Variants in LRRFIP1 observed in about 807,000 individuals in gnomAD.
The protein encoded by LRRFIP1 is leucine-rich repeat flightless-interacting protein 1.
Under a neutral mutation model 104.4 loss-of-function variants are expected in LRRFIP1, and 62 were observed. That is an observed-to-expected ratio of 0.59 (90% CI 0.48 to 0.73). The LOEUF (loss-of-function observed/expected upper bound fraction) is 0.73, where lower values mean the gene tolerates loss of function less well. LRRFIP1 is among the 30% of genes least tolerant of loss of function. The probability of loss-of-function intolerance (pLI) is 0.00; values close to 1 mark genes in which losing one functional copy is unlikely to be tolerated. For missense variants in LRRFIP1, 796 were observed against 824.5 expected, an observed-to-expected ratio of 0.97 and a Z score of 0.42; for synonymous variants, 300 against 299.0, an observed-to-expected ratio of 1.00 and a Z score of -0.03.
chr2:237,696,576 C>T (rs1218269871), intron 1 of LRRFIP1, among the ~76,000 whole-genome samples: 1 of 152,240 alleles, frequency 6.6e-6, no homozygotes, highest in African/African-American at 2.4e-5. Flanking sequence ...GCTGTAACCT[C>T]ATGGGGAGCA....
At chr2:237,662,203 GC>G (rs2088142457) in intron 1 of LRRFIP1, among the ~76,000 whole-genome samples, 1 of 152,054 alleles carries the variant, frequency 6.6e-6, no homozygotes, top group African/African-American at 2.4e-5. Context: ...TCTCCACGTG[GC>G]CCCCTCCCTG....
intron 1 of LRRFIP1, among the ~76,000 whole-genome samples, chr2:237,663,666 C>T (rs896073759): frequency 6.6e-6 from 1 of 152,218 alleles, no homozygotes; most frequent in Non-Finnish European, 1.5e-5. Context: ...GAATGACTTC[C>T]GGGCCTCTGA....
intron 1 of LRRFIP1, among the ~76,000 whole-genome samples, chr2:237,658,196 TA>T (rs1343270470): frequency 1.3e-5 from 2 of 152,154 alleles, no homozygotes; most frequent in East Asian, 3.8e-4. Context: ...TTCATATCAA[TA>T]GCTATAAAAT....
chr2:237,764,745 G>A, intron 19 of LRRFIP1: 1 of 986,288 alleles, frequency 1.0e-6, no homozygotes, highest in Non-Finnish European at 1.2e-6. Flanking sequence ...AAAGCATGAG[G>A]GGCTTTATTT....
intron 1 of LRRFIP1, among the ~76,000 whole-genome samples, chr2:237,643,894 C>T (rs2084443056): frequency 6.6e-6 from 1 of 152,186 alleles, no homozygotes; most frequent in Admixed American, 6.5e-5. Context: ...TTTAATTTGG[C>T]CAGGTGTGGG....
intron 1 of LRRFIP1, among the ~76,000 whole-genome samples, chr2:237,668,917 TG>T (rs1575318797): frequency 6.6e-6 from 1 of 152,348 alleles, no homozygotes; most frequent in East Asian, 1.9e-4. Context: ...GTTAACATTT[TG>T]TTTATTTTTC....
At chr2:237,776,148 C>T (rs13398895) in intron 23 of LRRFIP1, among the ~76,000 whole-genome samples, 50,856 of 151,554 alleles carry the variant, frequency 0.34, 9,570 homozygotes, top group East Asian at 0.53. Flanking sequence ...TTTGTAGAGA[C>T]GGGGTTTCTC....
At chr2:237,653,716 G>A (rs573050262) in intron 1 of LRRFIP1, among the ~76,000 whole-genome samples, 7 of 152,232 alleles carry the variant, frequency 4.6e-5, no homozygotes, top group South Asian at 2.1e-4. Flanking sequence ...ATTTCCAGTC[G>A]ATTGTTTTTT....
intron 8 of LRRFIP1, among the ~76,000 whole-genome samples, chr2:237,731,464 A>G (rs1346672091): frequency 6.6e-6 from 1 of 150,852 alleles, no homozygotes; most frequent in Non-Finnish European, 1.5e-5. Flanking sequence ...TCTGTAATAA[A>G]TCCCCCCACT....
chr2:237,673,098 C>T (rs1035736535), intron 1 of LRRFIP1, among the ~76,000 whole-genome samples: 3 of 152,230 alleles, frequency 2.0e-5, no homozygotes, highest in African/African-American at 7.2e-5. Context: ...AACCCCCACA[C>T]GGATTAGCCT....
At chr2:237,695,781 C>A (rs748770895) in intron 1 of LRRFIP1, among the ~76,000 whole-genome samples, 3 of 151,658 alleles carry the variant, frequency 2.0e-5, no homozygotes, top group Non-Finnish European at 4.4e-5. Flanking sequence ...AATAAAGAAG[C>A]TTGTTTTCAT....
At chr2:237,636,604 C>CTT in intron 1 of LRRFIP1, among the ~76,000 whole-genome samples, 1 of 151,674 alleles carries the variant, frequency 6.6e-6, no homozygotes. Context: ...TGGTCTGTTT[C>CTT]TTTTCCTCCT....
intron 1 of LRRFIP1, among the ~76,000 whole-genome samples, chr2:237,672,246 C>T (rs2090467580): frequency 6.6e-6 from 1 of 152,146 alleles, no homozygotes; most frequent in Non-Finnish European, 1.5e-5. Flanking sequence ...AGCTAACTGG[C>T]TTAAACCACA....
At chr2:237,660,172 A>G (rs781648871) in intron 1 of LRRFIP1, among the ~76,000 whole-genome samples, 16 of 152,240 alleles carry the variant, frequency 1.1e-4, no homozygotes, top group Non-Finnish European at 2.1e-4. Context: ...AAGGCCAATG[A>G]TACGCGAGAA....
At chr2:237,699,785 T>C (rs948692482) in intron 1 of LRRFIP1, among the ~76,000 whole-genome samples, 7 of 142,326 alleles carry the variant, frequency 4.9e-5, no homozygotes, top group Admixed American at 4.9e-4. Flanking sequence ...CTTCCCAATC[T>C]TTTTGACATC....
At chr2:237,644,643 A>G (rs2084578374) in intron 1 of LRRFIP1, among the ~76,000 whole-genome samples, 1 of 152,248 alleles carries the variant, frequency 6.6e-6, no homozygotes, top group Non-Finnish European at 1.5e-5. Context: ...ACCTGTTCTC[A>G]GCAACTTTGT....
intron 2 of LRRFIP1, among the ~76,000 whole-genome samples, chr2:237,712,004 G>T (rs1295290486): frequency 6.6e-6 from 1 of 152,186 alleles, no homozygotes; most frequent in East Asian, 1.9e-4. Flanking sequence ...TCAAAAGAGG[G>T]ATCGAAAGAT....
rs2092789762 is a variant in LRRFIP1 at position 237,691,884 on chromosome 2, A to C, written c.97-16660A>C. Among the ~76,000 whole-genome samples the C allele has an allele frequency of 6.8e-6, 1 of 147,308 alleles. No homozygotes were observed. Among genetic ancestry groups the C allele is most frequent in the Admixed American group, 6.7e-5 (1 of 14,954 alleles). On this transcript the variant is annotated intron_variant, in intron 1 of 23. Transcript: ENST00000308482. This position sits in a 1 kb window ranked among gnomAD's most constrained non-coding sequence, Gnocchi z 5.4. ...CGGGAGGGGCGGGGCAGGACCAGGA[A>C]GATCCTTCCGAGACGGAGCGCGGGG...
chr2:237,687,426 G>A (rs751582858), intron 1 of LRRFIP1, among the ~76,000 whole-genome samples: 13 of 151,998 alleles, frequency 8.6e-5, no homozygotes, highest in Non-Finnish European at 1.8e-4. Flanking sequence ...CCAACATGGT[G>A]AAACCCCATC....
Sources: allele counts gnomAD v4.1 joint callset (sites outside exome capture counted in the v4.1 genomes callset), GRCh38; gene constraint gnomAD v4.1.1; non-coding constraint Gnocchi (gnomAD v3.1); transcripts MANE v1.5; gene names NCBI Gene and HGNC (gene_info 2026-07-23, HGNC 2026-07-21).